Variants in MYOF observed in about 807,000 individuals in gnomAD.
The protein encoded by MYOF is fer-1-like 3, myoferlin.
In MYOF, 244 loss-of-function variants were observed where a neutral mutation model predicts 284.2. The observed-to-expected ratio is 0.86, with a 90% CI of 0.77 to 0.95. The LOEUF is 0.95. MYOF is among the 40% of genes least tolerant of loss of function. MYOF has a pLI of 0.00. For synonymous variants in MYOF, 904 were observed against 919.7 expected, an observed-to-expected ratio of 0.98 and a Z score of 0.31; for missense variants, 2,496 against 2,560.6, an observed-to-expected ratio of 0.97 and a Z score of 0.54.
At position 93,404,031 on chromosome 10, in the gene MYOF, C is replaced by T; in HGVS notation, c.835G>A (p.Glu279Lys). The T allele has an allele frequency of 6.2e-7, 1 of 1,613,918 alleles. No homozygotes were observed. Among genetic ancestry groups the T allele is most frequent in the Non-Finnish European group, 8.5e-7 (1 of 1,179,866 alleles). The change falls in exon 9 of 54, where the codon GAA becomes AAA. Residue 279 changes from glutamate (E) to lysine (K), a missense_variant. Glu to Lys is a moderately conservative substitution (Grantham distance 56). Around this residue, in one of 3 missense-constraint regions of MYOF, gnomAD observed 2,436 missense variants for 2,480.7 expected, o/e 0.98. Transcript: ENST00000359263. ...AGACTGTTGTCACTCACCTTAAATT[C>T]CCCCATCAGACAATCTGCCCGCAGA... Reference protein sequence around the residue: ...HSLRADCLMGEFKIDVGFVYD... With the variant: ...HSLRADCLMGKFKIDVGFVYD...
intron 49 of MYOF, among the ~76,000 whole-genome samples, chr10:93,319,091 G>T (rs972710607): frequency 3.9e-5 from 6 of 152,292 alleles, no homozygotes; most frequent in Non-Finnish European, 7.3e-5. Flanking sequence ...AACAATGGTT[G>T]GTTCAGGGAT....
At chr10:93,418,816 A>G (rs1401452642) in intron 5 of MYOF, among the ~76,000 whole-genome samples, 1 of 152,208 alleles carries the variant, frequency 6.6e-6, no homozygotes, top group East Asian at 1.9e-4. Flanking sequence ...AATGTTGAGA[A>G]CCACTTGTTT....
chr10:93,402,485 C>CT, intron 10 of MYOF, 138 bp from the exon 11 acceptor site: 1 of 688,934 alleles, frequency 1.5e-6, no homozygotes, highest in South Asian at 1.7e-5. Context: ...TGAGTGTCCA[C>CT]TTTCACGTCT....
At chr10:93,383,953 C>A (rs577576799) in intron 19 of MYOF, among the ~76,000 whole-genome samples, 3 of 152,310 alleles carry the variant, frequency 2.0e-5, no homozygotes, top group Non-Finnish European at 4.4e-5. Flanking sequence ...GATGCTCTCA[C>A]GCAGAGCTTG....
At chr10:93,310,858 C>T (rs1842352096) in intron 51 of MYOF, among the ~76,000 whole-genome samples, 2 of 152,036 alleles carry the variant, frequency 1.3e-5, no homozygotes, top group Admixed American at 1.3e-4. Flanking sequence ...ATTGCTTCCC[C>T]CACTCCCTAC....
rs373109538 is a variant in MYOF at position 93,323,267 on chromosome 10, T to G, written c.5360+3A>C. 222 of 1,614,136 alleles carry G rather than the reference T, an allele frequency of 1.4e-4. 1 individual carries two copies. The highest frequency in any genetic ancestry group is 6.0e-4 in the East Asian group (27 of 44,876). On this transcript the variant is annotated splice_donor_region_variant and intron_variant, in intron 47 of 53. Transcript: ENST00000359263. ...TATCAGGGTCTCAGGATGACTGACT[T>G]ACTTCTTGGCTTTCCGGGGTGTGAT...
intron 4 of MYOF, 49 bp downstream of exon 4, chr10:93,431,359 G>T (rs747586700): frequency 7.3e-6 from 11 of 1,513,120 alleles, no homozygotes; most frequent in South Asian, 1.1e-5. Flanking sequence ...ATGAAATTTT[G>T]CTCAATCATC....
At chr10:93,388,508 C>CCCACCT (rs1287874415) in intron 18 of MYOF, among the ~76,000 whole-genome samples, 2 of 152,172 alleles carry the variant, frequency 1.3e-5, no homozygotes, top group Admixed American at 6.5e-5. Context: ...CGGAAGGGTC[C>CCCACCT]CCACCTCCAC....
At chr10:93,343,742 G>A (rs1371210927) in intron 38 of MYOF, 114 bp downstream of exon 38, 12 of 1,058,602 alleles carry the variant, frequency 1.1e-5, no homozygotes, top group Admixed American at 5.5e-5. Flanking sequence ...TAAATGGATT[G>A]GCTGATGATT....
chr10:93,455,608 T>C (rs2056726875), intron 2 of MYOF, among the ~76,000 whole-genome samples: 1 of 152,116 alleles, frequency 6.6e-6, no homozygotes, highest in African/African-American at 2.4e-5. Context: ...AAGGCAGTAT[T>C]GAATCTTAAT....
intron 52 of MYOF, 39 bp from the exon 53 acceptor site, chr10:93,310,206 G>A: frequency 1.2e-6 from 2 of 1,603,892 alleles, no homozygotes; most frequent in Non-Finnish European, 1.7e-6. Context: ...CCCAACTCAG[G>A]AGGGATGCAT....
intron 2 of MYOF, among the ~76,000 whole-genome samples, chr10:93,453,239 C>T (rs1281678568): frequency 6.6e-6 from 1 of 151,974 alleles, no homozygotes; most frequent in East Asian, 1.9e-4. Flanking sequence ...AATTTCAGCT[C>T]ACAGCAACCT....
At chr10:93,375,873 A>G (rs550235566) in intron 22 of MYOF, among the ~76,000 whole-genome samples, 1 of 152,340 alleles carries the variant, frequency 6.6e-6, no homozygotes, top group African/African-American at 2.4e-5. Flanking sequence ...TGGCTGAGCT[A>G]GAGCCAGAAT....
Position 93,476,242 on chromosome 10 carries a change from A to G in MYOF, c.88+5865T>C, listed in dbSNP as rs1019428054. On this transcript the variant is annotated intron_variant, in intron 1 of 53. Transcript: ENST00000359263. ...GAGCTCTTTCTCACATCACTTCCCC[A>G]TTCTTTTTTTTTTTTTTTTTTTTTT... is the stretch of plus-strand genomic sequence containing the variant. Among the ~76,000 whole-genome samples the G allele has an allele frequency of 1.6e-4, 14 of 88,764 alleles. 1 individual carries two copies. The highest frequency in any genetic ancestry group is 4.5e-4 in the African/African-American group (11 of 24,312). The allele number at this position is 88,764 out of a possible 152,430, so 58.2% of individuals were successfully genotyped here. A position where few individuals can be genotyped will look rare whatever the true frequency, so the allele number is the denominator to read the frequency against.
At chr10:93,432,872 G>A (rs1848935690) in intron 3 of MYOF, among the ~76,000 whole-genome samples, 1 of 152,064 alleles carries the variant, frequency 6.6e-6, no homozygotes, top group Admixed American at 6.6e-5. Flanking sequence ...CCTGAATGAA[G>A]GAAAGAATAA....
At chr10:93,425,276 T>C (rs1226661970) in intron 5 of MYOF, among the ~76,000 whole-genome samples, 2 of 151,906 alleles carry the variant, frequency 1.3e-5, no homozygotes, top group African/African-American at 4.8e-5. Flanking sequence ...GTGAGTGTGG[T>C]GAGATAAGGG....
At chr10:93,438,822 T>C (rs1213948321) in intron 3 of MYOF, among the ~76,000 whole-genome samples, 1 of 152,060 alleles carries the variant, frequency 6.6e-6, no homozygotes, top group African/African-American at 2.4e-5. Flanking sequence ...GAACAAACTG[T>C]AGCAGGCAAA....
chr10:93,436,681 G>A (rs2134239495), intron 3 of MYOF, among the ~76,000 whole-genome samples: 1 of 152,236 alleles, frequency 6.6e-6, no homozygotes, highest in South Asian at 2.1e-4. Context: ...TCCTGGCTGG[G>A]CCTATTTTCT....
intron 43 of MYOF, among the ~76,000 whole-genome samples, chr10:93,331,369 C>T (rs1384446781): frequency 2.0e-5 from 3 of 152,154 alleles, no homozygotes; most frequent in Admixed American, 6.5e-5. Context: ...TCTGCCCATC[C>T]GCCAGACAGC....
Sources: gnomAD v4.1 joint callset for allele counts (sites outside exome capture counted in the v4.1 genomes callset) on GRCh38, gnomAD v4.1.1 for gene constraint, gnomAD v4.1.1 regional missense constraint, MANE v1.5 for transcripts, NCBI Gene and HGNC (gene_info 2026-07-23, HGNC 2026-07-21) for gene names.